GLIS3: variants seen among roughly 807,000 people sequenced by gnomAD.
The protein encoded by GLIS3 is GLIS family zinc finger 3.
GLIS3 carries 53 observed loss-of-function variants against 78.6 expected under a neutral mutation model. The observed-to-expected ratio is 0.67, with a 90% CI of 0.54 to 0.85. The LOEUF (loss-of-function observed/expected upper bound fraction) is 0.85, where lower values mean the gene tolerates loss of function less well. GLIS3 is among the 40% of genes least tolerant of loss of function. The pLI is 0.00. For missense variants in GLIS3, 1,703 were observed against 1,231.1 expected, an observed-to-expected ratio of 1.38 and a Z score of -5.74; for synonymous variants, 684 against 509.9, an observed-to-expected ratio of 1.34 and a Z score of -4.60.
At chr9:3,874,584 G>T (rs1181525407) in intron 8 of GLIS3, among the ~76,000 whole-genome samples, 1 of 152,184 alleles carries the variant, frequency 6.6e-6, no homozygotes, top group Non-Finnish European at 1.5e-5. Flanking sequence ...GGCATCAGAA[G>T]TGGGGGGCAG....
At chr9:4,174,099 C>A (rs574486010) in intron 2 of GLIS3, among the ~76,000 whole-genome samples, 77 of 152,230 alleles carry the variant, frequency 5.1e-4, no homozygotes, top group Non-Finnish European at 9.0e-4. Flanking sequence ...CTGTAAAAAC[C>A]TTTTGCAGCA....
intron 4 of GLIS3, among the ~76,000 whole-genome samples, chr9:4,021,578 G>A (rs1822887540): frequency 6.6e-6 from 1 of 152,126 alleles, no homozygotes; most frequent in Non-Finnish European, 1.5e-5. Context: ...AGCATCCATT[G>A]TACATTAGTC....
chr9:3,985,127 T>C (rs928684887), intron 4 of GLIS3, among the ~76,000 whole-genome samples: 1 of 151,992 alleles, frequency 6.6e-6, no homozygotes, highest in South Asian at 2.1e-4. Flanking sequence ...TTCCTCACCA[T>C]TTCAGTCAAA....
the GLIS3 span, among the ~76,000 whole-genome samples, chr9:4,362,779 A>G: frequency 3.9e-5 from 6 of 152,184 alleles, no homozygotes; most frequent in Admixed American, 6.5e-5. Flanking sequence ...CCACAAATAG[A>G]GCAAACTCTG....
At chr9:4,431,444 G>T in the GLIS3 span, among the ~76,000 whole-genome samples, 1 of 149,628 alleles carries the variant, frequency 6.7e-6, no homozygotes, top group Non-Finnish European at 1.5e-5. Context: ...ACTGGATTGG[G>T]GAAGATGAGG....
chr9:4,244,520 T>A lies in GLIS3; in HGVS notation c.388+41518A>T, dbSNP rs1823617496. On this transcript the variant is annotated intron_variant, in intron 2 of 10. Transcript: ENST00000381971. ...GTTTTTTTAAGGTGAACTGCTTTTT[T>A]AAAACTGCTGCTGAATCAGATGTGA... Among the ~76,000 whole-genome samples the A allele has an allele frequency of 3.9e-5, 6 of 152,338 alleles. No individual in the cohort carries two copies. In the South Asian group the frequency reaches 1.2e-3, roughly 32 times the overall value.
intron 2 of GLIS3, among the ~76,000 whole-genome samples, chr9:4,338,126 A>G (rs1357761719): frequency 6.6e-6 from 1 of 151,984 alleles, no homozygotes; most frequent in Non-Finnish European, 1.5e-5. Flanking sequence ...AGGAGTCAGG[A>G]CACCTGATTC....
intron 7 of GLIS3, among the ~76,000 whole-genome samples, chr9:3,883,297 C>G (rs2130491157): frequency 6.6e-6 from 1 of 152,190 alleles, no homozygotes; most frequent in East Asian, 1.9e-4. Context: ...TGCATTCATT[C>G]TTCCAAACAC....
In GLIS3 at chr9:4,059,829, T is replaced by TGTGTGTGTGTGTGTGTGTGTGAGAGA; in HGVS notation, c.1710+57938_1710+57939insTCTCTCACACACACACACACACACAC. ...TTGTGTGTGTGTGTGTGTGTGTGTG[T>TGTGTGTGTGTGTGTGTGTGTGAGAGA]GAGAGAGAGAGAGAGAGAGAGAGAG... On this transcript the variant is annotated intron_variant, in intron 4 of 10. Coordinates refer to ENST00000381971, the MANE Select transcript of GLIS3 (RefSeq NM_001042413.2). Among the ~76,000 whole-genome samples the TGTGTGTGTGTGTGTGTGTGTGAGAGA allele has an allele frequency of 3.4e-3, 347 of 100,620 alleles. 1 individual carries two copies. The highest frequency in any genetic ancestry group is 5.7e-3 in the Non-Finnish European group (273 of 48,044). The allele number at this position is 100,620 out of a possible 152,430, so 66.0% of individuals were successfully genotyped here. A position where few individuals can be genotyped will look rare whatever the true frequency, so the allele number is the denominator to read the frequency against.
At chr9:4,332,321 C>T (rs1172328471) in intron 2 of GLIS3, among the ~76,000 whole-genome samples, 1 of 152,156 alleles carries the variant, frequency 6.6e-6, no homozygotes, top group African/African-American at 2.4e-5. Flanking sequence ...TGTTAACTGG[C>T]CCTCATTACC....
At chr9:4,423,972 A>C in the GLIS3 span, among the ~76,000 whole-genome samples, 1 of 152,244 alleles carries the variant, frequency 6.6e-6, no homozygotes, top group Non-Finnish European at 1.5e-5. Context: ...AAACTTAAAG[A>C]AAATATAAAT....
At chr9:4,056,057 A>C (rs1166270487) in intron 4 of GLIS3, among the ~76,000 whole-genome samples, 3 of 152,202 alleles carry the variant, frequency 2.0e-5, no homozygotes, top group Non-Finnish European at 2.9e-5. Context: ...TTAGTTCCAC[A>C]CATCAGCTAT....
At chr9:3,991,019 A>C (rs2129766103) in intron 4 of GLIS3, among the ~76,000 whole-genome samples, 1 of 152,328 alleles carries the variant, frequency 6.6e-6, no homozygotes, top group Middle Eastern at 3.4e-3. Context: ...AATTAGGGTT[A>C]AGGAACTTGA....
intron 4 of GLIS3, among the ~76,000 whole-genome samples, chr9:4,089,880 C>G (rs1829348448): frequency 6.6e-6 from 1 of 152,104 alleles, no homozygotes; most frequent in African/African-American, 2.4e-5. Flanking sequence ...TAGACAGTGA[C>G]AAAGGGAAAA....
At chr9:4,230,435 TC>T (rs1822154737) in intron 2 of GLIS3, among the ~76,000 whole-genome samples, 1 of 152,110 alleles carries the variant, frequency 6.6e-6, no homozygotes, top group African/African-American at 2.4e-5. Flanking sequence ...TAGGGCCTCC[TC>T]CCTTCTCTGA....
At chr9:3,956,923 A>ACAGT (rs1817154364) in intron 4 of GLIS3, among the ~76,000 whole-genome samples, 1 of 151,802 alleles carries the variant, frequency 6.6e-6, no homozygotes, top group African/African-American at 2.4e-5. Flanking sequence ...ATCTACACTT[A>ACAGT]CAGTCACAAG....
chr9:4,062,810 T>C (rs1826763988), intron 4 of GLIS3, among the ~76,000 whole-genome samples: 1 of 151,960 alleles, frequency 6.6e-6, no homozygotes, highest in Admixed American at 6.6e-5. Flanking sequence ...GCACCTGTAG[T>C]CCCAGCTACT....
intron 2 of GLIS3, among the ~76,000 whole-genome samples, chr9:4,334,466 G>C (rs1817725527): frequency 6.6e-6 from 1 of 152,208 alleles, no homozygotes; most frequent in Non-Finnish European, 1.5e-5. Context: ...AACAATTGTA[G>C]TGCAAATGCA....
intron 6 of GLIS3, among the ~76,000 whole-genome samples, chr9:3,932,044 C>CTT (rs1825652989): frequency 6.6e-6 from 1 of 152,124 alleles, no homozygotes; most frequent in South Asian, 2.1e-4. Flanking sequence ...TCTATAAAAG[C>CTT]TTTTTGTTGC....
Sources: allele counts gnomAD v4.1 joint callset (sites outside exome capture counted in the v4.1 genomes callset), GRCh38; gene constraint gnomAD v4.1.1; transcripts MANE v1.5; gene names NCBI Gene and HGNC (gene_info 2026-07-23, HGNC 2026-07-21).